PIK3C2A: variants seen among roughly 807,000 people sequenced by gnomAD.
PIK3C2A encodes the protein phosphatidylinositol-4-phosphate 3-kinase catalytic subunit type 2 alpha.
In PIK3C2A, 97 loss-of-function variants were observed where a neutral mutation model predicts 204.5. The ratio of observed to expected loss-of-function variants is 0.47; its 90% CI spans 0.40 to 0.56. The LOEUF (loss-of-function observed/expected upper bound fraction) is 0.56. PIK3C2A is among the 20% of genes least tolerant of loss of function. The pLI is 0.00. For missense variants in PIK3C2A, 1,735 were observed against 1,969.2 expected (o/e 0.88, Z 2.25); for synonymous variants, 653 against 664.4 (o/e 0.98, Z 0.26).
chr11:17,168,628 G>A, intron 2 of PIK3C2A, 49 bp downstream of exon 2: 1 of 1,189,610 alleles, frequency 8.4e-7, no homozygotes, highest in Non-Finnish European at 1.2e-6. Flanking sequence ...ACACAAATAT[G>A]AACTCTGTGT....
chr11:17,156,844 C>T (rs1850610171), intron 2 of PIK3C2A, among the ~76,000 whole-genome samples: 1 of 152,076 alleles, frequency 6.6e-6, no homozygotes. Context: ...AGGTAGACTA[C>T]TGAATATCAA....
chr11:17,130,994 C>T (rs1370440933), intron 12 of PIK3C2A, among the ~76,000 whole-genome samples: 3 of 151,920 alleles, frequency 2.0e-5, no homozygotes, highest in Non-Finnish European at 4.4e-5. Flanking sequence ...CAAGACCAGC[C>T]TGGCCAACAT....
chr11:17,168,562 C>CA, intron 2 of PIK3C2A, 115 bp downstream of exon 2: 1 of 743,016 alleles, frequency 1.3e-6, no homozygotes, highest in Non-Finnish European at 2.2e-6. Flanking sequence ...GCCTGGGCGA[C>CA]AGAGCGAGAC....
chr11:17,112,717 GA>G, intron 20 of PIK3C2A, 51 bp from the exon 21 acceptor site: 2 of 967,814 alleles, frequency 2.1e-6, no homozygotes, highest in African/African-American at 1.7e-5. Flanking sequence ...AATGGATTTA[GA>G]ATTTTTTTTT....
At chr11:17,127,303 AAT>A (rs1354409157) in intron 13 of PIK3C2A, among the ~76,000 whole-genome samples, 6 of 152,020 alleles carry the variant, frequency 3.9e-5, no homozygotes, top group South Asian at 2.1e-4. Context: ...TTTTAAAATA[AAT>A]ATGTGTTTTT....
At chr11:17,150,968 CCA>C (rs1193004312) in intron 3 of PIK3C2A, among the ~76,000 whole-genome samples, 2 of 152,128 alleles carry the variant, frequency 1.3e-5, no homozygotes, top group African/African-American at 4.8e-5. Context: ...AAATCTTTTG[CCA>C]CACAGTACAA....
At position 17,129,455 on chromosome 11, in the gene PIK3C2A, AG is replaced by A; in HGVS notation, c.2243del (p.Pro748LeufsTer9). On this transcript the variant is annotated frameshift_variant, in exon 13 of 33. Transcript: ENST00000691414. LOFTEE classifies it high-confidence loss of function. ...CTAATGGCAATTGTGATATCTGGAT[AG>A]GAAAAATGATTCTATGGGGGGAAAA... is the stretch of plus-strand genomic sequence containing the variant. ...LIKWDELIIFPIQISQLPLES... is the reference protein window; with the variant it reads ...LIKWDELIIFXIQISQLPLES... 1 of 1,600,060 alleles carries A rather than the reference AG, an allele frequency of 6.2e-7. No individual in the cohort carries two copies. The highest frequency in any genetic ancestry group is 8.6e-7 in the Non-Finnish European group (1 of 1,168,974).
intron 2 of PIK3C2A, among the ~76,000 whole-genome samples, chr11:17,160,035 C>T (rs1850723479): frequency 6.6e-6 from 1 of 152,150 alleles, no homozygotes; most frequent in Non-Finnish European, 1.5e-5. Flanking sequence ...ATTAATCTGA[C>T]CCAAAAACAC....
chr11:17,116,753 C>T (rs540062796), intron 19 of PIK3C2A, among the ~76,000 whole-genome samples: 96 of 152,164 alleles, frequency 6.3e-4, no homozygotes, highest in African/African-American at 2.3e-3. Flanking sequence ...CCATGCCTGG[C>T]TAATTTTTTG....
Position 17,119,809 on chromosome 11 carries a change from A to T in PIK3C2A, c.2823T>A (p.Ile941=). The change falls in exon 16 of 33, where the codon ATT becomes ATA. Residue 941 remains isoleucine (I), a synonymous_variant. Transcript: ENST00000691414. ...ACTTTGAATCAAGAAGTTCCAATGC[A>T]ATTAGTGGGTACAATGCAGGCCACT... ...LHQWPALYPL[I]ALELLDSKFA... The T allele has an allele frequency of 1.3e-6, 2 of 1,561,944 alleles. No individual in the cohort carries two copies. The highest frequency in any genetic ancestry group is 1.7e-6 in the Non-Finnish European group (2 of 1,160,752).
chr11:17,100,109 G>C, intron 25 of PIK3C2A, 140 bp from the exon 26 acceptor site: 1 of 462,414 alleles, frequency 2.2e-6, no homozygotes, highest in South Asian at 4.4e-5. Flanking sequence ...GTGTATTGGG[G>C]ACCTAGGTGA....
At position 17,136,508 on chromosome 11, in the gene PIK3C2A, T is replaced by G; in HGVS notation, c.1822A>C (p.Asn608His). 2 of 1,610,134 alleles carry G rather than the reference T, an allele frequency of 1.2e-6. No individual in the cohort carries two copies. The highest frequency in any genetic ancestry group is 8.5e-7 in the Non-Finnish European group (1 of 1,176,902). ...ESVKKLKRAV[N>H]LPRSKTADVT... is the part of the protein sequence containing the mutation. ...TCAGCAGTTTTACTCCTTGGAAGAT[T>G]AACTGCTCTCTTTAGCTTCTTTACT... The change falls in exon 9 of 33, where the codon AAT (asparagine) becomes CAT (histidine). Residue 608 changes from asparagine (N) to histidine (H), a missense_variant. Coordinates refer to ENST00000691414, the MANE Select transcript of PIK3C2A (RefSeq NM_002645.4).
chr11:17,178,565 T>C (rs1356063986), intron 1 of PIK3C2A, among the ~76,000 whole-genome samples: 1 of 152,140 alleles, frequency 6.6e-6, no homozygotes, highest in Non-Finnish European at 1.5e-5. Context: ...GTCTTATTTA[T>C]TATCTACTTT....
In PIK3C2A at chr11:17,088,630, C is replaced by G. The variant is rs992850736; in HGVS notation, c.*1108G>C. On this transcript the variant is annotated 3_prime_UTR_variant, in exon 33 of 33. Transcript: ENST00000691414. Reference sequence around the variant, plus strand: ...AATTATATAAAGGAAAATAACTTTTCATGTGAATGTAAAATGTTTACACAC... The same window carrying G: ...AATTATATAAAGGAAAATAACTTTTGATGTGAATGTAAAATGTTTACACAC... The G allele has an allele frequency of 6.6e-6, 1 of 152,206 alleles. No homozygotes were observed. The highest frequency in any genetic ancestry group is 2.4e-5 in the African/African-American group (1 of 41,440). 9.4% of individuals were successfully genotyped at this position (152,206 alleles called of 1,614,324 possible). A position where few individuals can be genotyped will look rare whatever the true frequency, so the allele number is the denominator to read the frequency against.
At chr11:17,095,121 T>C (rs1165028306) in intron 27 of PIK3C2A, among the ~76,000 whole-genome samples, 1 of 152,092 alleles carries the variant, frequency 6.6e-6, no homozygotes, top group East Asian at 1.9e-4. Flanking sequence ...TGGTGGCACA[T>C]GCCTGTAGCC....
intron 2 of PIK3C2A, among the ~76,000 whole-genome samples, chr11:17,158,504 T>C (rs1850675988): frequency 6.6e-6 from 1 of 151,884 alleles, no homozygotes; most frequent in African/African-American, 2.4e-5. Context: ...GTTAATTAAC[T>C]CACAAGGTCA....
chr11:17,170,566 T>C (rs1851123560), intron 1 of PIK3C2A, among the ~76,000 whole-genome samples: 1 of 151,544 alleles, frequency 6.6e-6, no homozygotes. Context: ...TCCTTAAATA[T>C]TTTTATTCTT....
intron 1 of PIK3C2A, among the ~76,000 whole-genome samples, chr11:17,202,339 C>T (rs565070268): frequency 3.0e-4 from 46 of 150,944 alleles, no homozygotes; most frequent in Admixed American, 8.6e-4. Context: ...GTAATCTCAG[C>T]GCTTTAGGAG....
intron 1 of PIK3C2A, among the ~76,000 whole-genome samples, chr11:17,178,683 C>T (rs549970003): frequency 3.4e-5 from 5 of 147,274 alleles, no homozygotes; most frequent in East Asian, 4.0e-4. Context: ...GGATTACAGG[C>T]GCTAGCCACC....
Sources: allele counts gnomAD v4.1 joint callset (sites outside exome capture counted in the v4.1 genomes callset), GRCh38; gene constraint gnomAD v4.1.1; transcripts MANE v1.5; gene names NCBI Gene and HGNC (gene_info 2026-07-23, HGNC 2026-07-21).